ITGA9: variants seen among roughly 807,000 people sequenced by gnomAD.
ITGA9 encodes integrin subunit alpha 9.
Under a neutral mutation model 127.8 loss-of-function variants are expected in ITGA9, and 56 were observed. That is an observed-to-expected ratio of 0.44 (90% confidence interval 0.35 to 0.55). The LOEUF is 0.55. ITGA9 is among the 20% of genes least tolerant of loss of function. The pLI, the probability that ITGA9 is intolerant of heterozygous loss-of-function variation, is 0.00. For missense variants in ITGA9, 1,196 were observed against 1,347.1 expected, an observed-to-expected ratio of 0.89 and a Z score of 1.76; for synonymous variants, 508 against 514.5, an observed-to-expected ratio of 0.99 and a Z score of 0.17.
chr3:37,723,223 G>C (rs1263500383), intron 18 of ITGA9, among the ~76,000 whole-genome samples: 1 of 151,984 alleles, frequency 6.6e-6, no homozygotes, highest in Non-Finnish European at 1.5e-5. Context: ...GTTCCTATTA[G>C]ACATATGATT....
chr3:37,465,134 C>T (rs1300586804), intron 1 of ITGA9, among the ~76,000 whole-genome samples: 5 of 152,194 alleles, frequency 3.3e-5, no homozygotes, highest in African/African-American at 4.8e-5. Flanking sequence ...CCTGTGGAAT[C>T]GCTGCTGTGG....
chr3:37,757,983 A>G (rs1696674304), intron 23 of ITGA9, among the ~76,000 whole-genome samples: 4 of 151,856 alleles, frequency 2.6e-5, no homozygotes, highest in Admixed American at 2.6e-4. Context: ...AATAGGAAGC[A>G]GTGAGCCAAA....
At chr3:37,778,792 C>T (rs920896142) in intron 24 of ITGA9, among the ~76,000 whole-genome samples, 28 of 151,542 alleles carry the variant, frequency 1.8e-4, no homozygotes, top group African/African-American at 5.8e-4. Context: ...TCAGCCCTGG[C>T]ACATCTCACC....
At chr3:37,680,721 C>G (rs1700726947) in intron 17 of ITGA9, among the ~76,000 whole-genome samples, 1 of 152,222 alleles carries the variant, frequency 6.6e-6, no homozygotes, top group African/African-American at 2.4e-5. Context: ...TGCCTGTCCA[C>G]TTCCTTCTCA....
At chr3:37,657,103 T>C (rs1011259153) in intron 17 of ITGA9, among the ~76,000 whole-genome samples, 2 of 152,382 alleles carry the variant, frequency 1.3e-5, no homozygotes, top group Non-Finnish European at 1.5e-5. Context: ...CAGTATTTTA[T>C]TGAGGATTTT....
intron 1 of ITGA9, among the ~76,000 whole-genome samples, chr3:37,453,126 C>G (rs896067469): frequency 1.3e-5 from 2 of 151,172 alleles, no homozygotes; most frequent in Admixed American, 6.6e-5. Context: ...CCCCCCCCCC[C>G]CCCCAGCTCC....
intron 15 of ITGA9, among the ~76,000 whole-genome samples, chr3:37,567,543 T>G (rs1056286488): frequency 2.6e-5 from 4 of 152,100 alleles, no homozygotes; most frequent in Admixed American, 6.5e-5. Context: ...GTCCAAAGTC[T>G]CATATGAGAC....
chr3:37,685,486 T>C (rs4346505), intron 18 of ITGA9, among the ~76,000 whole-genome samples: 11,598 of 152,154 alleles, frequency 0.076, 1,337 homozygotes, highest in African/African-American at 0.25. Context: ...TCTGTATGGT[T>C]CAAGTATCGC....
chr3:37,766,587 G>A (rs1696782530), intron 23 of ITGA9, among the ~76,000 whole-genome samples: 1 of 152,198 alleles, frequency 6.6e-6, no homozygotes, highest in East Asian at 1.9e-4. Context: ...GTGAATAGGT[G>A]TGCTGCTTTA....
chr3:37,517,136 C>A (rs1698991374), intron 9 of ITGA9, among the ~76,000 whole-genome samples: 2 of 152,104 alleles, frequency 1.3e-5, no homozygotes, highest in East Asian at 1.9e-4. Flanking sequence ...TTTAAAACAA[C>A]ATTGGGGAAA....
chr3:37,461,675 A>G (rs890524997), intron 1 of ITGA9, among the ~76,000 whole-genome samples: 19 of 152,236 alleles, frequency 1.2e-4, no homozygotes, highest in Admixed American at 1.2e-3. Flanking sequence ...CACACTCTTC[A>G]TTATGTGTGG....
intron 23 of ITGA9, among the ~76,000 whole-genome samples, chr3:37,751,502 CT>C (rs969232839): frequency 6.6e-6 from 1 of 151,494 alleles, no homozygotes; most frequent in Non-Finnish European, 1.5e-5. Flanking sequence ...TTGCAGGAGC[CT>C]TTTTTTTTCC....
chr3:37,732,871 C>T, intron 19 of ITGA9, 73 bp downstream of exon 19: 1 of 1,201,888 alleles, frequency 8.3e-7, no homozygotes, highest in South Asian at 1.3e-5. Flanking sequence ...ATTCCGCCGC[C>T]TCCCTGAGGT....
chr3:37,783,232 G>T (rs907121666), intron 25 of ITGA9, among the ~76,000 whole-genome samples: 1 of 152,122 alleles, frequency 6.6e-6, no homozygotes, highest in Non-Finnish European at 1.5e-5. Context: ...AACCGTGGGG[G>T]CCCATCCTGT....
chr3:37,809,823 A>T (rs1162800178), intron 27 of ITGA9, among the ~76,000 whole-genome samples: 1 of 152,242 alleles, frequency 6.6e-6, no homozygotes, highest in Non-Finnish European at 1.5e-5. Flanking sequence ...TGTTTAGTGA[A>T]TAGTGATTCG....
chr3:37,477,904 C>A (rs966515499), intron 3 of ITGA9, among the ~76,000 whole-genome samples: 2 of 149,674 alleles, frequency 1.3e-5, no homozygotes, highest in African/African-American at 4.9e-5. Flanking sequence ...CAGTGCTTCC[C>A]ATCTGTCCAT....
chr3:37,680,332 C>G (rs2125661119), intron 17 of ITGA9, among the ~76,000 whole-genome samples: 1 of 152,206 alleles, frequency 6.6e-6, no homozygotes, highest in Middle Eastern at 3.4e-3. Flanking sequence ...ACTTTTTTAG[C>G]TTTGGAGAAA....
intron 18 of ITGA9, among the ~76,000 whole-genome samples, chr3:37,721,065 T>C (rs1219790515): frequency 6.6e-6 from 1 of 151,866 alleles, no homozygotes; most frequent in African/African-American, 2.4e-5. Context: ...CTGCCAGTGA[T>C]TGGCACAGGG....
intron 26 of ITGA9, among the ~76,000 whole-genome samples, chr3:37,803,520 C>T (rs1315273248): frequency 6.6e-6 from 1 of 152,190 alleles, no homozygotes; most frequent in Non-Finnish European, 1.5e-5. Flanking sequence ...CACTGTGGCT[C>T]GTGCCTGTAA....
Sources: gnomAD v4.1 joint callset for allele counts (sites outside exome capture counted in the v4.1 genomes callset) on GRCh38, gnomAD v4.1.1 for gene constraint, MANE v1.5 for transcripts, NCBI Gene and HGNC (gene_info 2026-07-23, HGNC 2026-07-21) for gene names.